ZMIZ2: variants seen among roughly 807,000 people sequenced by gnomAD.
ZMIZ2 encodes the protein zinc finger MIZ-type containing 2.
Under a neutral mutation model 93.9 loss-of-function variants are expected in ZMIZ2, and 26 were observed. The ratio of observed to expected loss-of-function variants is 0.28; its 90% CI spans 0.20 to 0.38. ZMIZ2 has a LOEUF of 0.38. ZMIZ2 is among the 10% of genes least tolerant of loss of function. The pLI is 1.00. For synonymous variants in ZMIZ2, 485 were observed against 516.4 expected (o/e 0.94, Z 0.82); for missense variants, 1,023 against 1,235.0 (o/e 0.83, Z 2.57).
In ZMIZ2 at chr7:44,756,551, C is replaced by T. The variant is rs1790607516; in HGVS notation, c.165+12C>T. On this transcript the variant is annotated intron_variant, in intron 3 of 18. Transcript: ENST00000309315. ...CGACACAGAGCCAGGTAAGCACCCA[C>T]TGGTGCCCCACCCCCGAGCAGACAG... The T allele has an allele frequency of 3.1e-6, 5 of 1,613,634 alleles. No individual in the cohort carries two copies. The highest frequency in any genetic ancestry group is 4.2e-6 in the Non-Finnish European group (5 of 1,179,742).
chr7:44,761,351 T>C lies in ZMIZ2; in HGVS notation c.1241-98T>C, dbSNP rs1791155412. 5 of 1,534,830 alleles carry C rather than the reference T, an allele frequency of 3.3e-6. No homozygotes were observed. The Admixed American group carries it at 7.6e-5, about 23-fold the overall frequency. On this transcript the variant is annotated intron_variant, in intron 9 of 18. Coordinates refer to ENST00000309315, the MANE Select transcript of ZMIZ2 (RefSeq NM_031449.4). The surrounding 1 kb of genome is among the most constrained non-coding windows in gnomAD (Gnocchi z 5.8). ...GAGGGGCTCCCTTCACCAAGGTCCC[T>C]GCGGGGAAGGTGGCTGGGGAGCCGC...
Position 44,765,289 on chromosome 7 carries a change from C to A in ZMIZ2, c.1998-46C>A, listed in dbSNP as rs368432398. On this transcript the variant is annotated intron_variant, in intron 15 of 18. Transcript: ENST00000309315. This position sits in a 1 kb window ranked among gnomAD's most constrained non-coding sequence, Gnocchi z 4.1. Reference sequence around the variant, plus strand: ...CTGGGAGGGGCAGTGGGTGCCGGGCCAGCAGCAGGCCAGGAGGTAACCATT... The same window carrying A: ...CTGGGAGGGGCAGTGGGTGCCGGGCAAGCAGCAGGCCAGGAGGTAACCATT... 5 of 1,601,804 alleles carry A rather than the reference C, an allele frequency of 3.1e-6. No homozygotes were observed. The highest frequency in any genetic ancestry group is 1.7e-5 in the Admixed American group (1 of 59,768).
At position 44,762,994 on chromosome 7, in the gene ZMIZ2, GCTC is replaced by G. The variant is rs1791360900; in HGVS notation, c.1702+11_1702+13del. 1 of 1,606,086 alleles carries G rather than the reference GCTC, an allele frequency of 6.2e-7. No homozygotes were observed. The highest frequency in any genetic ancestry group is 1.3e-5 in the African/African-American group (1 of 74,722). On this transcript the variant is annotated intron_variant, in intron 12 of 18. Coordinates refer to ENST00000309315, the MANE Select transcript of ZMIZ2 (RefSeq NM_031449.4). ...AGCACTGCATCACCAAGAGTGAGTG[GCTC>G]CTGCCCCTCAGCTGCCAGGCAGCCA...
rs1791993235 is a variant in ZMIZ2 at position 44,769,458 on chromosome 7, TTCCGCCCTC to T, written c.*1838_*1846del. On this transcript the variant is annotated 3_prime_UTR_variant, in exon 19 of 19. Transcript: ENST00000309315. ...CTGACAAAGCCTCTGTTTCCAGCTC[TTCCGCCCTC>T]TCTGGATGAGGGAACAGAAGTGGAG... The T allele has an allele frequency of 6.5e-6, 1 of 152,766 alleles. No individual in the cohort carries two copies. Among genetic ancestry groups the T allele is most frequent in the Non-Finnish European group, 1.5e-5 (1 of 68,136 alleles). 9.5% of individuals were successfully genotyped at this position (152,766 alleles called of 1,614,324 possible).
rs1051087352 is a variant in ZMIZ2, at chr7:44,761,086, G to A, written c.1241-363G>A. On this transcript the variant is annotated intron_variant, in intron 9 of 18. Coordinates refer to ENST00000309315, the MANE Select transcript of ZMIZ2 (RefSeq NM_031449.4). This position sits in a 1 kb window ranked among gnomAD's most constrained non-coding sequence, Gnocchi z 5.8. ...TCGTAGAACTCTAAACAGAGCTATA[G>A]GGCAATTGCAGGAGGCTCTCACACA... Among the ~76,000 whole-genome samples, 4 of 152,174 alleles carry A rather than the reference G, an allele frequency of 2.6e-5. No individual in the cohort carries two copies. The highest frequency in any genetic ancestry group is 5.9e-5 in the Non-Finnish European group (4 of 68,030).
chr7:44,764,499 T>C lies in ZMIZ2; in HGVS notation c.1928+13T>C. 1 of 1,613,946 alleles carries C rather than the reference T, an allele frequency of 6.2e-7. No homozygotes were observed. Among genetic ancestry groups the C allele is most frequent in the Non-Finnish European group, 8.5e-7 (1 of 1,179,908 alleles). Reference sequence around the variant, plus strand: ...GTCCTGTGTGCAAGTGAGTCTCAGATGCAGCGTGTGATGGAGGAGGGGCTG... The same window carrying C: ...GTCCTGTGTGCAAGTGAGTCTCAGACGCAGCGTGTGATGGAGGAGGGGCTG... On this transcript the variant is annotated intron_variant, in intron 14 of 18. Coordinates refer to ENST00000309315, the MANE Select transcript of ZMIZ2 (RefSeq NM_031449.4).
chr7:44,761,638 C>A lies in ZMIZ2; in HGVS notation c.1385+45C>A. Reference sequence around the variant, plus strand: ...CACCTGACCCCCACGAGGCTCTGTTCCTCCTCCCACACTCTCAGGGCCCGT... The same window carrying A: ...CACCTGACCCCCACGAGGCTCTGTTACTCCTCCCACACTCTCAGGGCCCGT... On this transcript the variant is annotated intron_variant, in intron 10 of 18. Coordinates refer to ENST00000309315, the MANE Select transcript of ZMIZ2 (RefSeq NM_031449.4). This position sits in a 1 kb window ranked among gnomAD's most constrained non-coding sequence, Gnocchi z 5.8. The A allele has an allele frequency of 6.2e-7, 1 of 1,613,214 alleles. No individual in the cohort carries two copies.
chr7:44,759,078 T>A, intron 6 of ZMIZ2, among the ~76,000 whole-genome samples: 2 of 75,460 alleles, frequency 2.7e-5, no homozygotes, highest in Non-Finnish European at 2.4e-5. Context: ...TGAGACTGTC[T>A]CAAATTAAAA....
Position 44,768,979 on chromosome 7 carries a change from C to T in ZMIZ2, c.*1356C>T, listed in dbSNP as rs1195087326. ...AGGCTTGCCCAGGAGAGACATTTGC[C>T]ACTATGTCACCTTATCTGGGCTTGC... is the stretch of plus-strand genomic sequence containing the variant. On this transcript the variant is annotated 3_prime_UTR_variant, in exon 19 of 19. Coordinates refer to ENST00000309315, the MANE Select transcript of ZMIZ2 (RefSeq NM_031449.4). 1 of 152,660 alleles carries T rather than the reference C, an allele frequency of 6.6e-6. No homozygotes were observed. The highest frequency in any genetic ancestry group is 1.5e-5 in the Non-Finnish European group (1 of 68,048). The allele number at this position is 152,660 out of a possible 1,614,324, so 9.5% of individuals were successfully genotyped here.
rs1331692834 is a variant in ZMIZ2, at chr7:44,760,503, G to A, written c.1150G>A (p.Val384Ile). 5.0e-6 allele frequency: 8 copies of A among 1,614,108 alleles called. No individual in the cohort carries two copies. The highest frequency in any genetic ancestry group is 2.2e-5 in the East Asian group (1 of 44,888). ...PTPPMTPSSSVPYMSPNQEVK... is the reference protein window; with the variant it reads ...PTPPMTPSSSIPYMSPNQEVK... ...GCCACCCATGACCCCAAGCAGCAGC[G>A]TCCCTTACATGTCACCAAACCAAGA... The change falls in exon 9 of 19, where the codon GTC becomes ATC. Residue 384 changes from valine to isoleucine, a missense_variant. Physicochemically the swap from Val to Ile is conservative, Grantham distance 29. Around this residue, in one of 3 missense-constraint regions of ZMIZ2, gnomAD observed 656 missense variants for 777.1 expected, o/e 0.84. Transcript: ENST00000309315.
rs1791493841 is a variant in ZMIZ2 at position 44,764,415 on chromosome 7, A to G, written c.1861-4A>G. 1 of 1,613,954 alleles carries G rather than the reference A, an allele frequency of 6.2e-7. No homozygotes were observed. Among genetic ancestry groups the G allele is most frequent in the African/African-American group, 1.3e-5 (1 of 74,912 alleles). ...AAACTGACTTTCTTCCCATCTCTCT[A>G]CAGTGCTTTGACCTGGAGTCGTACC... On this transcript the variant is annotated splice_region_variant and splice_polypyrimidine_tract_variant and intron_variant, in intron 13 of 18. Transcript: ENST00000309315.
At position 44,761,276 on chromosome 7, in the gene ZMIZ2, T is replaced by C. The variant is rs1791148194; in HGVS notation, c.1241-173T>C. On this transcript the variant is annotated intron_variant, in intron 9 of 18. Transcript: ENST00000309315. The surrounding 1 kb of genome is among the most constrained non-coding windows in gnomAD (Gnocchi z 5.8). Reference sequence around the variant, plus strand: ...CAGGCCTCAGGAGAGATGCTGCCCATGGCCCCAGCCCCAGGGCACCACTCA... The same window carrying C: ...CAGGCCTCAGGAGAGATGCTGCCCACGGCCCCAGCCCCAGGGCACCACTCA... The C allele has an allele frequency of 3.6e-6, 2 of 560,230 alleles. No homozygotes were observed. The highest frequency in any genetic ancestry group is 6.4e-5 in the Admixed American group (1 of 15,718). 34.7% of individuals were successfully genotyped at this position (560,230 alleles called of 1,614,324 possible).
chr7:44,762,956 C>T lies in ZMIZ2; in HGVS notation c.1672C>T (p.Leu558Phe), dbSNP rs754067453. The change falls in exon 12 of 19, where the codon CTC becomes TTC. Residue 558 changes from leucine (L) to phenylalanine (F), a missense_variant. Leu to Phe is a conservative substitution (Grantham distance 22). Around this residue, in one of 3 missense-constraint regions of ZMIZ2, gnomAD observed 656 missense variants for 777.1 expected, o/e 0.84. Transcript: ENST00000309315. ...SVLQGLLKKR[L>F]LPAEHCITKI... Reference sequence around the variant, plus strand: ...GCTGCAGGGCCTCCTCAAAAAGCGCCTCCTGCCTGCTGAGCACTGCATCAC... The same window carrying T: ...GCTGCAGGGCCTCCTCAAAAAGCGCTTCCTGCCTGCTGAGCACTGCATCAC... 3.1e-6 allele frequency: 5 copies of T among 1,613,614 alleles called. No individual in the cohort carries two copies. The highest frequency in any genetic ancestry group is 2.7e-5 in the African/African-American group (2 of 75,044).
At chr7:44,751,817 A>T (rs1292164307) in intron 1 of ZMIZ2, among the ~76,000 whole-genome samples, 3 of 152,076 alleles carry the variant, frequency 2.0e-5, no homozygotes, top group Admixed American at 6.5e-5. Flanking sequence ...TTAGCCAGGC[A>T]TGGACTATGG....
chr7:44,758,215 C>T (rs2116732918), intron 6 of ZMIZ2, 107 bp downstream of exon 6: 1 of 1,396,550 alleles, frequency 7.2e-7, no homozygotes, highest in East Asian at 2.6e-5. Flanking sequence ...CATGGTGGCT[C>T]ACGCCTGTAG....
At position 44,761,130 on chromosome 7, in the gene ZMIZ2, T is replaced by C. The variant is rs1231451819; in HGVS notation, c.1241-319T>C. ...TCACACACCTTGGCCTCCCAGTCTC[T>C]CTGAAAGCACTGGAAACACCTTTTG... is the stretch of plus-strand genomic sequence containing the variant. On this transcript the variant is annotated intron_variant, in intron 9 of 18. Coordinates refer to ENST00000309315, the MANE Select transcript of ZMIZ2 (RefSeq NM_031449.4). This position sits in a 1 kb window ranked among gnomAD's most constrained non-coding sequence, Gnocchi z 5.8. Among the ~76,000 whole-genome samples the C allele has an allele frequency of 1.3e-5, 2 of 152,166 alleles. No homozygotes were observed. Among genetic ancestry groups the C allele is most frequent in the Admixed American group, 1.3e-4 (2 of 15,278 alleles).
At position 44,765,360 on chromosome 7, in the gene ZMIZ2, G is replaced by T; in HGVS notation, c.2023G>T (p.Asp675Tyr). The T allele has an allele frequency of 6.2e-7, 1 of 1,613,472 alleles. No homozygotes were observed. The highest frequency in any genetic ancestry group is 8.5e-7 in the Non-Finnish European group (1 of 1,180,008). Residue 675 changes from aspartate to tyrosine, a missense_variant, in exon 16 of 19, where the codon GAC becomes TAC. Asp to Tyr is a radical substitution (Grantham distance 160). Coordinates refer to ENST00000309315, the MANE Select transcript of ZMIZ2 (RefSeq NM_031449.4). The surrounding 1 kb of genome is among the most constrained non-coding windows in gnomAD (Gnocchi z 4.1). ...QNSDYEEITI[D>Y]PTCSWKPVPV... is the part of the protein sequence containing the mutation. ...CTCTGACTATGAGGAGATCACCATC[G>T]ACCCCACGTGCAGCTGGAAGCCAGT...
Position 44,761,978 on chromosome 7 carries a change from CGTGGG to C in ZMIZ2, c.1596+80_1596+84del. ...GTGGTGGGGCCTGGCCCAGCGGTGC[CGTGGG>C]GTGGGGCGGGGTGTGGGCGGGGCCT... is the stretch of plus-strand genomic sequence containing the variant. On this transcript the variant is annotated intron_variant, in intron 11 of 18. Coordinates refer to ENST00000309315, the MANE Select transcript of ZMIZ2 (RefSeq NM_031449.4). This position sits in a 1 kb window ranked among gnomAD's most constrained non-coding sequence, Gnocchi z 5.8. The C allele has an allele frequency of 9.3e-6, 2 of 215,858 alleles. No individual in the cohort carries two copies. The highest frequency in any genetic ancestry group is 1.7e-5 in the Non-Finnish European group (2 of 115,646). The allele number at this position is 215,858 out of a possible 1,614,324, so 13.4% of individuals were successfully genotyped here. A position where few individuals can be genotyped will look rare whatever the true frequency, so the allele number is the denominator to read the frequency against.
Position 44,762,908 on chromosome 7 carries a change from C to T in ZMIZ2, c.1624C>T (p.His542Tyr). The change falls in exon 12 of 19, where the codon CAC (histidine) becomes TAC (tyrosine). Residue 542 changes from histidine to tyrosine, a missense_variant. His to Tyr is a moderately conservative substitution (Grantham distance 83). Coordinates refer to ENST00000309315, the MANE Select transcript of ZMIZ2 (RefSeq NM_031449.4). Reference protein sequence around the residue: ...CSHLFVLQLVHRPSVRSVLQG... With the variant: ...CSHLFVLQLVYRPSVRSVLQG... ...CCACCTCTTCGTGCTGCAGCTAGTG[C>T]ACCGCCCATCCGTCCGCTCGGTGCT... The T allele has an allele frequency of 6.2e-7, 1 of 1,612,488 alleles. No individual in the cohort carries two copies. The highest frequency in any genetic ancestry group is 8.5e-7 in the Non-Finnish European group (1 of 1,178,846).
Sources: gnomAD v4.1 joint callset for allele counts (sites outside exome capture counted in the v4.1 genomes callset) on GRCh38, gnomAD v4.1.1 for gene constraint, gnomAD v4.1.1 regional missense constraint, Gnocchi (gnomAD v3.1) non-coding constraint, MANE v1.5 for transcripts, NCBI Gene and HGNC (gene_info 2026-07-23, HGNC 2026-07-21) for gene names.